GATAD2B: variants seen among roughly 807,000 people sequenced by gnomAD.
The protein encoded by GATAD2B is transcriptional repressor p66-beta.
GATAD2B carries 8 observed loss-of-function variants against 64.3 expected under a neutral mutation model. The observed-to-expected ratio is 0.12, with a 90% CI of 0.07 to 0.22. The LOEUF (loss-of-function observed/expected upper bound fraction) is 0.22, where lower values mean the gene tolerates loss of function less well. GATAD2B is among the 10% of genes least tolerant of loss of function. The probability of loss-of-function intolerance (pLI) is 1.00; values close to 1 mark genes in which losing one functional copy is unlikely to be tolerated. For missense variants in GATAD2B, 453 were observed against 752.0 expected (o/e 0.60, Z 4.65); for synonymous variants, 281 against 271.3 (o/e 1.04, Z -0.35).
chr1:153,860,256 T>C (rs1022605193), intron 1 of GATAD2B, among the ~76,000 whole-genome samples: 2 of 152,136 alleles, frequency 1.3e-5, no homozygotes, highest in Non-Finnish European at 2.9e-5. Context: ...CTGTGTCTTA[T>C]TACTGAATTA....
chr1:153,879,897 G>A (rs1353616925), intron 1 of GATAD2B, among the ~76,000 whole-genome samples: 1 of 151,952 alleles, frequency 6.6e-6, no homozygotes, highest in Non-Finnish European at 1.5e-5. Context: ...CACTTGCAAT[G>A]CATGGACACT....
At chr1:153,833,433 AAGG>A (rs1345306304) in intron 1 of GATAD2B, among the ~76,000 whole-genome samples, 1 of 152,194 alleles carries the variant, frequency 6.6e-6, no homozygotes, top group Admixed American at 6.5e-5. Flanking sequence ...GGAGATGAAC[AAGG>A]AGATTAATGT....
chr1:153,811,875 C>A, intron 9 of GATAD2B, 27 bp from the exon 10 acceptor site: 1 of 1,471,594 alleles, frequency 6.8e-7, no homozygotes, highest in Non-Finnish European at 9.5e-7. Context: ...ACAGTGGATA[C>A]AACTTTGATA....
intron 1 of GATAD2B, among the ~76,000 whole-genome samples, chr1:153,842,109 G>C (rs938657853): frequency 6.6e-6 from 1 of 152,138 alleles, no homozygotes; most frequent in Non-Finnish European, 1.5e-5. Flanking sequence ...GAGGAGAAGC[G>C]ACTTGAAGTG....
intron 1 of GATAD2B, among the ~76,000 whole-genome samples, chr1:153,857,685 A>T (rs1221097171): frequency 7.2e-5 from 11 of 152,180 alleles, no homozygotes; most frequent in Non-Finnish European, 2.9e-5. Context: ...TCCTTAAGAT[A>T]TTTATAATCA....
At chr1:153,833,081 C>A (rs970090219) in intron 1 of GATAD2B, among the ~76,000 whole-genome samples, 1 of 152,116 alleles carries the variant, frequency 6.6e-6, no homozygotes, top group African/African-American at 2.4e-5. Context: ...GTAGTGCACA[C>A]CAGTAGTCTC....
intron 7 of GATAD2B, among the ~76,000 whole-genome samples, chr1:153,815,271 T>A (rs555195228): frequency 2.9e-4 from 12 of 41,622 alleles, no homozygotes; most frequent in South Asian, 1.3e-3. Flanking sequence ...AGACCCTGTC[T>A]CAAAAAAACA....
intron 1 of GATAD2B, among the ~76,000 whole-genome samples, chr1:153,916,229 T>C (rs1388331369): frequency 7.0e-6 from 1 of 142,704 alleles, no homozygotes; most frequent in African/African-American, 2.6e-5. Flanking sequence ...TGCAGTAAGC[T>C]AAGATTGCAC....
intron 1 of GATAD2B, among the ~76,000 whole-genome samples, chr1:153,884,620 A>C (rs908868760): frequency 6.6e-5 from 10 of 152,158 alleles, no homozygotes; most frequent in Admixed American, 1.3e-4. Flanking sequence ...AAAACAAAAA[A>C]ACTTCCTCTT....
intron 1 of GATAD2B, among the ~76,000 whole-genome samples, chr1:153,906,111 C>A (rs6427334): frequency 6.6e-6 from 1 of 150,538 alleles, no homozygotes; most frequent in Admixed American, 6.6e-5. Flanking sequence ...CACACACACA[C>A]ACACAAAACA....
At chr1:153,858,614 G>A (rs1392921450) in intron 1 of GATAD2B, among the ~76,000 whole-genome samples, 1 of 151,894 alleles carries the variant, frequency 6.6e-6, no homozygotes, top group Non-Finnish European at 1.5e-5. Context: ...CATAAACAAA[G>A]CCCCGGCTAC....
intron 1 of GATAD2B, among the ~76,000 whole-genome samples, chr1:153,878,949 T>C (rs1435661788): frequency 6.6e-6 from 1 of 151,816 alleles, no homozygotes; most frequent in Non-Finnish European, 1.5e-5. Context: ...GGCTAATTTT[T>C]TTTTTTCTTG....
intron 1 of GATAD2B, among the ~76,000 whole-genome samples, chr1:153,851,566 C>T (rs1198201454): frequency 1.3e-5 from 2 of 151,888 alleles, no homozygotes; most frequent in African/African-American, 4.8e-5. Flanking sequence ...TACTTGGCCA[C>T]TTTTATGTCT....
At chr1:153,840,493 A>G (rs1675445764) in intron 1 of GATAD2B, among the ~76,000 whole-genome samples, 1 of 151,248 alleles carries the variant, frequency 6.6e-6, no homozygotes, top group East Asian at 1.9e-4. Flanking sequence ...ATGCGCCACC[A>G]CGCCTAGCTA....
chr1:153,817,246 C>A, intron 6 of GATAD2B, 126 bp downstream of exon 6: 1 of 892,082 alleles, frequency 1.1e-6, no homozygotes, highest in East Asian at 2.7e-5. Flanking sequence ...TAAATCCCTA[C>A]CAAAATAACC....
At position 153,862,454 on chromosome 1, in the gene GATAD2B, T is replaced by A. The variant is rs140358271; in HGVS notation, c.-1-34106A>T. On this transcript the variant is annotated intron_variant, in intron 1 of 10. Coordinates refer to ENST00000368655, the MANE Select transcript of GATAD2B (RefSeq NM_020699.4). The stretch of plus-strand genomic sequence containing the variant: ...TACATTATATCTTATGTGATCCTCA[T>A]AACATCCCTATAAAGATGAGCAAAG... Among the ~76,000 whole-genome samples, 618 of 152,152 alleles carry A rather than the reference T, an allele frequency of 4.1e-3. 5 individuals carry two copies. The highest frequency in any genetic ancestry group is 0.014 in the African/African-American group (579 of 41,524).
chr1:153,868,504 G>C (rs905412237), intron 1 of GATAD2B, among the ~76,000 whole-genome samples: 1 of 151,870 alleles, frequency 6.6e-6, no homozygotes, highest in Non-Finnish European at 1.5e-5. Context: ...ACACAGGAAG[G>C]TAGGAGTTCT....
At chr1:153,815,065 G>C (rs1381433593) in intron 7 of GATAD2B, among the ~76,000 whole-genome samples, 1 of 97,516 alleles carries the variant, frequency 1.0e-5, no homozygotes, top group Admixed American at 1.6e-4. Context: ...CTGGGTGACA[G>C]AGTAAGACTC....
At chr1:153,879,155 C>T (rs1027142415) in intron 1 of GATAD2B, among the ~76,000 whole-genome samples, 1 of 152,052 alleles carries the variant, frequency 6.6e-6, no homozygotes, top group African/African-American at 2.4e-5. Flanking sequence ...TAGCCAGGAT[C>T]GTCTCTTATC....
Sources: allele counts gnomAD v4.1 joint callset (sites outside exome capture counted in the v4.1 genomes callset), GRCh38; gene constraint gnomAD v4.1.1; transcripts MANE v1.5; gene names NCBI Gene and HGNC (gene_info 2026-07-23, HGNC 2026-07-21).